SP3: variants seen among roughly 807,000 people sequenced by gnomAD.
The protein encoded by SP3 is transcription factor Sp3.
In SP3, 10 loss-of-function variants were observed where a neutral mutation model predicts 70.3. That is an observed-to-expected ratio of 0.14 (90% CI 0.09 to 0.24). The LOEUF (loss-of-function observed/expected upper bound fraction) is 0.24, where lower values mean the gene tolerates loss of function less well. SP3 is among the 10% of genes least tolerant of loss of function. The pLI, the probability that SP3 is intolerant of heterozygous loss-of-function variation, is 1.00. For missense variants in SP3, 825 were observed against 914.6 expected, an observed-to-expected ratio of 0.90 and a Z score of 1.26; for synonymous variants, 402 against 333.5, an observed-to-expected ratio of 1.21 and a Z score of -2.24.
At chr2:173,960,278 A>C (rs1691025485) in intron 3 of SP3, among the ~76,000 whole-genome samples, 1 of 152,256 alleles carries the variant, frequency 6.6e-6, no homozygotes, top group South Asian at 2.1e-4. Flanking sequence ...TGGAAACGGA[A>C]AAAGAAAAAA....
intron 4 of SP3, among the ~76,000 whole-genome samples, chr2:173,951,907 T>C (rs1690720580): frequency 6.6e-6 from 1 of 152,204 alleles, no homozygotes; most frequent in Non-Finnish European, 1.5e-5. Context: ...GTTAGCACAT[T>C]ACATTAAAAT....
At chr2:173,958,660 C>T (rs992245421) in intron 3 of SP3, among the ~76,000 whole-genome samples, 1 of 149,658 alleles carries the variant, frequency 6.7e-6, no homozygotes, top group Admixed American at 6.7e-5. Flanking sequence ...AATAAATTTG[C>T]AGTTTTAAAA....
At chr2:173,933,638 TTATATATATATATATATATATA>T (rs60102426) in intron 4 of SP3, among the ~76,000 whole-genome samples, 3 of 86,566 alleles carry the variant, frequency 3.5e-5, no homozygotes, top group Non-Finnish European at 4.7e-5. Context: ...TTATAAAACT[TTATATATATATATATATATATA>T]TATATATATA....
rs190835775 is a variant in SP3 at position 173,964,516 on chromosome 2, G to C, written c.45C>G (p.Ala15=). 1.0e-5 allele frequency: 7 copies of C among 694,202 alleles called. No homozygotes were observed. The highest frequency in any genetic ancestry group is 1.8e-5 in the African/African-American group (1 of 54,338). The allele number at this position is 694,202 out of a possible 1,614,324, so 43.0% of individuals were successfully genotyped here. Residue 15 remains alanine (A), a synonymous_variant, in exon 2 of 7, where the codon GCC becomes GCG. Transcript: ENST00000310015. ...EKPVKQEEMA[A]LDVDSGGGGG... ...CGCCGCCGCCGCTATCCACGTCCAAGGCAGCCATTTCCTCTTGTTTCACGG... is the reference window on the plus strand; with the variant it reads ...CGCCGCCGCCGCTATCCACGTCCAACGCAGCCATTTCCTCTTGTTTCACGG...
Position 173,904,617 on chromosome 2 carries a change from C to G in SP3, c.*5324G>C, listed in dbSNP as rs1689266323. Among the ~76,000 whole-genome samples the G allele has an allele frequency of 6.6e-6, 1 of 152,154 alleles. No individual in the cohort carries two copies. ...CTCCCATGTATGTTCCAGATGTGAC[C>G]TCCCAAGACATCAGTTTTCCAATTC... On this transcript the variant is annotated 3_prime_UTR_variant, in exon 7 of 7. Transcript: ENST00000310015.
rs1690892058 is a variant in SP3 at position 173,956,287 on chromosome 2, C to CA, written c.280-56dup. 5 of 1,508,558 alleles carry CA rather than the reference C, an allele frequency of 3.3e-6. No individual in the cohort carries two copies. In the South Asian group the frequency reaches 6.7e-5, roughly 20 times the overall value. 93.4% of individuals were successfully genotyped at this position (1,508,558 alleles called of 1,614,324 possible). A position where few individuals can be genotyped will look rare whatever the true frequency, so the allele number is the denominator to read the frequency against. ...TTTGTGGTATATTTAAATCAACCCT[C>CA]AAAAAATTCTAAAAACTGGTATAAA... On this transcript the variant is annotated intron_variant, in intron 3 of 6. Coordinates refer to ENST00000310015, the MANE Select transcript of SP3 (RefSeq NM_003111.5).
rs763700282 is a variant in SP3 at position 173,955,759 on chromosome 2, T to G, written c.753A>C (p.Gln251His). Residue 251 changes from glutamine (Q) to histidine (H), a missense_variant, in exon 4 of 7, where the codon CAA (glutamine) becomes CAC (histidine). Gln to His is a conservative substitution (Grantham distance 24). Coordinates refer to ENST00000310015, the MANE Select transcript of SP3 (RefSeq NM_003111.5). ...GACCAAGAGGCACATTAGCAACTAC[T>G]TGGGTTTGACCAGGAAAAGATGAAC... ...IGGSSFPGQTQVVANVPLGLP... is the reference protein window; with the variant it reads ...IGGSSFPGQTHVVANVPLGLP... 1 of 1,614,208 alleles carries G rather than the reference T, an allele frequency of 6.2e-7. No individual in the cohort carries two copies. The highest frequency in any genetic ancestry group is 1.1e-5 in the South Asian group (1 of 91,080).
chr2:173,958,662 GT>G (rs1234042301), intron 3 of SP3, among the ~76,000 whole-genome samples: 1 of 150,042 alleles, frequency 6.7e-6, no homozygotes, highest in African/African-American at 2.4e-5. Flanking sequence ...TAAATTTGCA[GT>G]TTTAAAAAAA....
At chr2:173,956,268 G>C in intron 3 of SP3, 36 bp from the exon 4 acceptor site, 1 of 1,527,280 alleles carries the variant, frequency 6.5e-7, no homozygotes, top group Non-Finnish European at 8.7e-7. Flanking sequence ...TATATTTGTG[G>C]TATATTTAAA....
Position 173,955,543 on chromosome 2 carries a change from A to G in SP3, c.969T>C (p.Thr323=). The change falls in exon 4 of 7, where the codon ACT becomes ACC. Residue 323 remains threonine (T), a synonymous_variant. Transcript: ENST00000310015. ...GERVSPDINE[T]NTDTDLFVPT... is the part of the protein sequence containing the mutation. ...GCACAAATAAATCTGTATCAGTATT[A>G]GTTTCATTAATATCAGGAGAAACCC... The G allele has an allele frequency of 1.2e-6, 2 of 1,614,122 alleles. No individual in the cohort carries two copies. Among genetic ancestry groups the G allele is most frequent in the South Asian group, 1.1e-5 (1 of 91,088 alleles).
In SP3 at chr2:173,955,977, C is replaced by T. The variant is rs1690876663; in HGVS notation, c.535G>A (p.Ala179Thr). ...QYQVIPQIQS[A>T]DGQQVQIGFT... is the part of the protein sequence containing the mutation. ...CCAATTTGAACCTGCTGACCATCTG[C>T]TGACTGGATCTGTGGTATCACTTGA... The change falls in exon 4 of 7, where the codon GCA becomes ACA. Residue 179 changes from alanine (A) to threonine (T), a missense_variant. Physicochemically the swap from Ala to Thr is moderately conservative, Grantham distance 58. Coordinates refer to ENST00000310015, the MANE Select transcript of SP3 (RefSeq NM_003111.5). The T allele has an allele frequency of 6.2e-7, 1 of 1,614,192 alleles. No homozygotes were observed. The highest frequency in any genetic ancestry group is 8.5e-7 in the Non-Finnish European group (1 of 1,180,012).
At chr2:173,941,778 C>T (rs1690379597) in intron 4 of SP3, among the ~76,000 whole-genome samples, 1 of 152,090 alleles carries the variant, frequency 6.6e-6, no homozygotes, top group Non-Finnish European at 1.5e-5. Context: ...TAAGGCTTTC[C>T]CTCAATTTTG....
At chr2:173,922,164 G>A (rs759965600) in intron 4 of SP3, among the ~76,000 whole-genome samples, 1 of 152,166 alleles carries the variant, frequency 6.6e-6, no homozygotes, top group Non-Finnish European at 1.5e-5. Flanking sequence ...AGGTATTGAG[G>A]AGGAGGGGTA....
chr2:173,936,917 G>C (rs1371000942), intron 4 of SP3, among the ~76,000 whole-genome samples: 2 of 150,392 alleles, frequency 1.3e-5, no homozygotes, highest in African/African-American at 4.9e-5. Context: ...AGCCTTTTTT[G>C]ATTTTCTGTT....
chr2:173,919,829 C>T (rs1689699860), intron 4 of SP3, among the ~76,000 whole-genome samples: 1 of 151,884 alleles, frequency 6.6e-6, no homozygotes, highest in Non-Finnish European at 1.5e-5. Flanking sequence ...TATATATACC[C>T]TATAGCTCAA....
chr2:173,950,100 A>C (rs1335814480), intron 4 of SP3, among the ~76,000 whole-genome samples: 9 of 152,138 alleles, frequency 5.9e-5, no homozygotes, highest in Non-Finnish European at 1.3e-4. Context: ...ATGGACAGAA[A>C]TATGTAAGAT....
intron 3 of SP3, among the ~76,000 whole-genome samples, chr2:173,959,852 T>C (rs1025911769): frequency 6.6e-6 from 1 of 152,242 alleles, no homozygotes; most frequent in Non-Finnish European, 1.5e-5. Flanking sequence ...ATAACCTATG[T>C]CTACGTAAGT....
intron 4 of SP3, among the ~76,000 whole-genome samples, chr2:173,946,721 CTTTT>C (rs35419725): frequency 1.5e-5 from 2 of 129,258 alleles, no homozygotes. Context: ...AAAGATCTGC[CTTTT>C]TTTTTTTTTT....
intron 4 of SP3, among the ~76,000 whole-genome samples, chr2:173,938,596 A>G (rs1248331058): frequency 6.6e-6 from 1 of 152,176 alleles, no homozygotes; most frequent in Admixed American, 6.6e-5. Context: ...TGCAGAAAAA[A>G]AAAAGATGAG....
Sources: gnomAD v4.1 joint callset for allele counts (sites outside exome capture counted in the v4.1 genomes callset) on GRCh38, gnomAD v4.1.1 for gene constraint, MANE v1.5 for transcripts, NCBI Gene and HGNC (gene_info 2026-07-23, HGNC 2026-07-21) for gene names.